Variants in MAPK8IP3 observed in about 807,000 individuals in gnomAD.
The protein encoded by MAPK8IP3 is C-Jun-amino-terminal kinase-interacting protein 3.
MAPK8IP3 carries 49 observed loss-of-function variants against 157.8 expected under a neutral mutation model. The observed-to-expected ratio is 0.31, with a 90% CI of 0.25 to 0.39. The LOEUF is 0.39. MAPK8IP3 is among the 10% of genes least tolerant of loss of function. The pLI, the probability that MAPK8IP3 is intolerant of heterozygous loss-of-function variation, is 1.00. For missense variants in MAPK8IP3, 1,478 were observed against 1,889.4 expected, an observed-to-expected ratio of 0.78 and a Z score of 4.04; for synonymous variants, 897 against 777.7, an observed-to-expected ratio of 1.15 and a Z score of -2.55.
intron 4 of MAPK8IP3, among the ~76,000 whole-genome samples, chr16:1,738,761 G>T (rs1484086576): frequency 1.5e-5 from 2 of 132,856 alleles, no homozygotes; most frequent in Non-Finnish European, 3.1e-5. Context: ...CCGTCCGTGT[G>T]AGCGTCCGTG....
chr16:1,746,887 G>A (rs1046912121), intron 5 of MAPK8IP3, 142 bp from the exon 6 acceptor site: 40 of 1,037,036 alleles, frequency 3.9e-5, no homozygotes, highest in Admixed American at 1.4e-4. Flanking sequence ...CCCGGTGGGC[G>A]GCAGAGGAGC....
intron 4 of MAPK8IP3, among the ~76,000 whole-genome samples, chr16:1,736,777 A>G (rs1361907723): frequency 1.3e-4 from 6 of 45,744 alleles, no homozygotes; most frequent in African/African-American, 2.3e-4. Flanking sequence ...CGTCTGTGTG[A>G]CCATCCGTGT....
At chr16:1,717,356 T>C (rs2038222497) in intron 1 of MAPK8IP3, among the ~76,000 whole-genome samples, 1 of 152,188 alleles carries the variant, frequency 6.6e-6, no homozygotes, top group African/African-American at 2.4e-5. Context: ...AAGTACATCT[T>C]AAAAACATGT....
chr16:1,756,341 C>T (rs566002491), intron 8 of MAPK8IP3, among the ~76,000 whole-genome samples: 1 of 152,274 alleles, frequency 6.6e-6, no homozygotes, highest in South Asian at 2.1e-4. Context: ...GGCAAAACCC[C>T]GTCTCTACCA....
At chr16:1,726,761 G>T (rs963961587) in intron 2 of MAPK8IP3, among the ~76,000 whole-genome samples, 3 of 152,230 alleles carry the variant, frequency 2.0e-5, no homozygotes, top group South Asian at 2.1e-4. Flanking sequence ...CAGGCCCCGG[G>T]CTCCCTCCAG....
At position 1,770,291 on chromosome 16, in the gene MAPK8IP3, G is replaced by C. The variant is rs187464137; in HGVS notation, c.*1467G>C. On this transcript the variant is annotated 3_prime_UTR_variant, in exon 32 of 32. Coordinates refer to ENST00000610761, the MANE Select transcript of MAPK8IP3 (RefSeq NM_001318852.2). ...GCAAGCAAACCCACATATCTGCTCTGTATGTAATAAATGTCTTAACGTCGT... is the reference window on the plus strand; with the variant it reads ...GCAAGCAAACCCACATATCTGCTCTCTATGTAATAAATGTCTTAACGTCGT... 1.5e-3 allele frequency: 342 copies of C among 229,222 alleles called. No individual in the cohort carries two copies. The highest frequency in any genetic ancestry group is 9.9e-3 in the Middle Eastern group (7 of 706). 14.2% of individuals were successfully genotyped at this position (229,222 alleles called of 1,614,324 possible). A position where few individuals can be genotyped will look rare whatever the true frequency, so the allele number is the denominator to read the frequency against.
intron 10 of MAPK8IP3, 23 bp from the exon 11 acceptor site, chr16:1,759,935 A>G: frequency 6.2e-7 from 1 of 1,612,052 alleles, no homozygotes; most frequent in Middle Eastern, 1.7e-4. Flanking sequence ...GCACAGGTGA[A>G]ACCTCCGCAC....
intron 10 of MAPK8IP3, 107 bp downstream of exon 10, chr16:1,759,102 C>A: frequency 6.8e-7 from 1 of 1,475,722 alleles, no homozygotes; most frequent in Non-Finnish European, 9.4e-7. Flanking sequence ...AGTGTTGGGG[C>A]CGCCGGGGTC....
At chr16:1,737,815 A>T in intron 4 of MAPK8IP3, among the ~76,000 whole-genome samples, 1 of 87,070 alleles carries the variant, frequency 1.1e-5, no homozygotes, top group Non-Finnish European at 2.1e-5. Context: ...CGTCCGTGTG[A>T]GCGTCCGTGT....
intron 1 of MAPK8IP3, among the ~76,000 whole-genome samples, chr16:1,721,234 G>A (rs2038498598): frequency 6.6e-6 from 1 of 151,412 alleles, no homozygotes; most frequent in African/African-American, 2.4e-5. Context: ...TCGGGAGGCT[G>A]AGGCAGGAGA....
At chr16:1,719,701 C>G (rs1284750019) in intron 1 of MAPK8IP3, among the ~76,000 whole-genome samples, 1 of 149,700 alleles carries the variant, frequency 6.7e-6, no homozygotes, top group Non-Finnish European at 1.5e-5. Context: ...CAAAAATTAG[C>G]CCAATGTGGT....
At chr16:1,760,579 A>C (rs1469550706) in intron 12 of MAPK8IP3, 47 bp downstream of exon 12, 1 of 1,571,932 alleles carries the variant, frequency 6.4e-7, no homozygotes. Context: ...CCCCGGCCTC[A>C]GGGCTCTGGA....
chr16:1,763,434 C>T (rs1157068344), intron 16 of MAPK8IP3, among the ~76,000 whole-genome samples: 1 of 152,244 alleles, frequency 6.6e-6, no homozygotes, highest in East Asian at 1.9e-4. Context: ...CAGCTGTGGC[C>T]TCCAAGCCCA....
intron 1 of MAPK8IP3, among the ~76,000 whole-genome samples, chr16:1,722,648 T>G: frequency 6.6e-6 from 1 of 151,976 alleles, no homozygotes; most frequent in East Asian, 1.9e-4. Flanking sequence ...GAGGATCGCT[T>G]GAGCCCAGGA....
At position 1,719,289 on chromosome 16, in the gene MAPK8IP3, GA is replaced by G. The variant is rs76576576; in HGVS notation, c.319-5256del. ...CAGCCTGAGACCCAATCTTTAAAAAGAAAAAAAAAAAATGGCCCCTTCCTAA... is the reference window on the plus strand; with the variant it reads ...CAGCCTGAGACCCAATCTTTAAAAAGAAAAAAAAAAATGGCCCCTTCCTAA... On this transcript the variant is annotated intron_variant, in intron 1 of 31. Coordinates refer to ENST00000610761, the MANE Select transcript of MAPK8IP3 (RefSeq NM_001318852.2). Among the ~76,000 whole-genome samples the G allele has an allele frequency of 0.011, 1,522 of 136,212 alleles. 47 individuals are homozygous for G. In the East Asian group the frequency reaches 0.13, roughly 11 times the overall value. The allele number at this position is 136,212 out of a possible 152,430, so 89.4% of individuals were successfully genotyped here.
chr16:1,734,202 C>T (rs574916124), intron 4 of MAPK8IP3, among the ~76,000 whole-genome samples: 5 of 152,360 alleles, frequency 3.3e-5, no homozygotes, highest in African/African-American at 9.6e-5. Flanking sequence ...GTTGGCCCTG[C>T]GGGAAGAAGG....
At chr16:1,728,070 G>A (rs193085261) in intron 2 of MAPK8IP3, among the ~76,000 whole-genome samples, 1 of 152,370 alleles carries the variant, frequency 6.6e-6, no homozygotes, top group African/African-American at 2.4e-5. Flanking sequence ...ACAGAGCTGA[G>A]GTTTGAACAC....
chr16:1,709,550 T>C (rs905612185), intron 1 of MAPK8IP3, among the ~76,000 whole-genome samples: 7 of 152,384 alleles, frequency 4.6e-5, no homozygotes, highest in Middle Eastern at 3.4e-3. Flanking sequence ...CACCGGACAT[T>C]GCTAGCCGCC....
In MAPK8IP3 at chr16:1,729,172, G is replaced by T. The variant is rs765090182; in HGVS notation, c.474G>T (p.Lys158Asn). 6.2e-7 allele frequency: 1 copy of T among 1,614,098 alleles called. No homozygotes were observed. The highest frequency in any genetic ancestry group is 2.2e-5 in the East Asian group (1 of 44,890). ...TGGAGGAGCGGGAGTCGGAGATGAAGAAGGAGTACAATGCCCTGCACCAGC... is the reference window on the plus strand; with the variant it reads ...TGGAGGAGCGGGAGTCGGAGATGAATAAGGAGTACAATGCCCTGCACCAGC... ...SRLEERESEM[K>N]KEYNALHQRH... is the part of the protein sequence containing the mutation. The change falls in exon 3 of 32, where the codon AAG (lysine) becomes AAT (asparagine). Residue 158 changes from lysine (K) to asparagine (N), a missense_variant. By Grantham distance (94) the Lys-to-Asn change is moderately conservative (BLOSUM62 0). Transcript: ENST00000610761.
Sources: gnomAD v4.1 joint callset for allele counts (sites outside exome capture counted in the v4.1 genomes callset) on GRCh38, gnomAD v4.1.1 for gene constraint, MANE v1.5 for transcripts, NCBI Gene and HGNC (gene_info 2026-07-23, HGNC 2026-07-21) for gene names.